The following CYB5R3 variants were observed in gnomAD, a reference collection of about 807,000 sequenced individuals.
CYB5R3 encodes the protein NADH-cytochrome b5 reductase 3.
In CYB5R3, 28 loss-of-function variants were observed where a neutral mutation model predicts 36.5. The ratio of observed to expected loss-of-function variants is 0.77; its 90% confidence interval spans 0.57 to 1.05. CYB5R3 has a LOEUF of 1.05. CYB5R3 is among the 50% of genes least tolerant of loss of function. The probability of loss-of-function intolerance (pLI) is 0.00; values close to 1 mark genes in which losing one functional copy is unlikely to be tolerated. For missense variants in CYB5R3, 474 were observed against 408.9 expected, an observed-to-expected ratio of 1.16 and a Z score of -1.37; for synonymous variants, 181 against 159.8, an observed-to-expected ratio of 1.13 and a Z score of -1.00.
At chr22:42,646,582 C>A in intron 1 of CYB5R3, 1 of 931,034 alleles carries the variant, frequency 1.1e-6, no homozygotes, top group Non-Finnish European at 1.3e-6. Flanking sequence ...GCCCGGTCCT[C>A]CCCAGGTGCC....
intron 1 of CYB5R3, 97 bp downstream of exon 1, chr22:42,649,198 G>T: frequency 2.0e-6 from 1 of 489,240 alleles, no homozygotes; most frequent in Non-Finnish European, 2.8e-6. Flanking sequence ...GTGCGGCCCG[G>T]GTCCCGCGTC....
intron 1 of CYB5R3, 43 bp downstream of exon 1, chr22:42,649,252 C>T (rs999110405): frequency 2.2e-5 from 18 of 805,402 alleles, no homozygotes; most frequent in Non-Finnish European, 2.8e-5. Context: ...GGGTCCCAGT[C>T]CCTCGCGACG....
rs2146918869 is a variant in CYB5R3 at position 42,649,355 on chromosome 22, C to T, written c.-40G>A. 1 of 870,408 alleles carries T rather than the reference C, an allele frequency of 1.1e-6. No individual in the cohort carries two copies. The highest frequency in any genetic ancestry group is 1.1e-4 in the East Asian group (1 of 9,218). The allele number at this position is 870,408 out of a possible 1,614,324, so 53.9% of individuals were successfully genotyped here. A position where few individuals can be genotyped will look rare whatever the true frequency, so the allele number is the denominator to read the frequency against. ...GCGCTCGCTCTGTCGCCGCCGCCGC[C>T]GCCGCCGAGACCGTCGCGCCCGGGC... On this transcript the variant is annotated 5_prime_UTR_variant, in exon 1 of 9. Coordinates refer to ENST00000352397, the MANE Select transcript of CYB5R3 (RefSeq NM_000398.7).
At position 42,631,358 on chromosome 22, in the gene CYB5R3, C is replaced by A. The variant is rs1332888194; in HGVS notation, c.226+20G>T. The A allele has an allele frequency of 2.2e-5, 34 of 1,550,770 alleles. No homozygotes were observed. Among genetic ancestry groups the A allele is most frequent in the Non-Finnish European group, 2.9e-5 (33 of 1,146,554 alleles). On this transcript the variant is annotated intron_variant, in intron 3 of 8. Coordinates refer to ENST00000352397, the MANE Select transcript of CYB5R3 (RefSeq NM_000398.7). Reference sequence around the variant, plus strand: ...GCAGCCTGCCGGGCTCCGAATGGGCCCAGCAGGGGCGTGACTCACCGACAG... The same window carrying A: ...GCAGCCTGCCGGGCTCCGAATGGGCACAGCAGGGGCGTGACTCACCGACAG...
rs963272732 is a variant in CYB5R3, at chr22:42,640,326, C to T, written c.22-3480G>A. 23 of 1,417,246 alleles carry T rather than the reference C, an allele frequency of 1.6e-5. No homozygotes were observed. In the African/African-American group the frequency reaches 2.1e-4, roughly 13 times the overall value. 87.8% of individuals were successfully genotyped at this position (1,417,246 alleles called of 1,614,324 possible). On this transcript the variant is annotated intron_variant, in intron 1 of 8. Transcript: ENST00000352397. ...CCGAATGGCCAGCTGAAGGTCACCC[C>T]CCGGAAGGACCCTGCGTGGTTCACT...
At chr22:42,639,647 TA>T (rs1929129353) in intron 1 of CYB5R3, among the ~76,000 whole-genome samples, 1 of 151,264 alleles carries the variant, frequency 6.6e-6, no homozygotes, top group African/African-American at 2.4e-5. Flanking sequence ...AAAAATTGAA[TA>T]AGGCTTGTGG....
chr22:42,621,447 C>T (rs1321277762), intron 8 of CYB5R3, among the ~76,000 whole-genome samples: 1 of 152,200 alleles, frequency 6.6e-6, no homozygotes, highest in Non-Finnish European at 1.5e-5. Flanking sequence ...CTGCCCCTGC[C>T]TGGAGTCCTT....
chr22:42,649,144 G>A lies in CYB5R3; in HGVS notation c.21+151C>T, dbSNP rs560202735. 534 of 215,102 alleles carry A rather than the reference G, an allele frequency of 2.5e-3. 1 individual carries two copies. Among genetic ancestry groups the A allele is most frequent in the Middle Eastern group, 9.0e-3 (4 of 444 alleles). 13.3% of individuals were successfully genotyped at this position (215,102 alleles called of 1,614,324 possible). A position where few individuals can be genotyped will look rare whatever the true frequency, so the allele number is the denominator to read the frequency against. On this transcript the variant is annotated intron_variant, in intron 1 of 8. Coordinates refer to ENST00000352397, the MANE Select transcript of CYB5R3 (RefSeq NM_000398.7). ...AGCTCGCCCAGGCCCTTGTGGGGTG[G>A]GGTGGGGCGCGGCGGGCTGGGCGGG...
intron 7 of CYB5R3, 76 bp from the exon 8 acceptor site, chr22:42,623,964 C>G: frequency 7.6e-7 from 1 of 1,309,194 alleles, no homozygotes; most frequent in Non-Finnish European, 1.1e-6. Flanking sequence ...AGAGACGCGC[C>G]TCGTCATCGC....
At chr22:42,631,314 T>A (rs1928603177) in intron 3 of CYB5R3, 64 bp downstream of exon 3, 1 of 1,456,248 alleles carries the variant, frequency 6.9e-7, no homozygotes, top group East Asian at 2.5e-5. Context: ...AGCTTCCATC[T>A]CTCTGATCTA....
At chr22:42,630,791 C>G (rs1472146968) in intron 4 of CYB5R3, 91 bp downstream of exon 4, 3 of 1,130,690 alleles carry the variant, frequency 2.7e-6, no homozygotes, top group Admixed American at 4.0e-5. Context: ...AGGGCAGGAG[C>G]GGGAGACTTC....
chr22:42,628,126 A>G (rs1374534332), intron 5 of CYB5R3, 26 bp downstream of exon 5: 20 of 1,613,536 alleles, frequency 1.2e-5, no homozygotes, highest in Non-Finnish European at 1.5e-5. Flanking sequence ...CCTGCCGTGT[A>G]ACCAAGGGAT....
At chr22:42,625,707 T>A (rs137134) in intron 7 of CYB5R3, among the ~76,000 whole-genome samples, 52,066 of 151,144 alleles carry the variant, frequency 0.34, 13,402 homozygotes, top group African/African-American at 0.7. Flanking sequence ...CGGAGGAAGG[T>A]AGGAGAGGAA....
chr22:42,642,160 G>A (rs1268359917), intron 1 of CYB5R3, among the ~76,000 whole-genome samples: 3 of 151,302 alleles, frequency 2.0e-5, no homozygotes, highest in East Asian at 1.9e-4. Flanking sequence ...CACCCAGGCT[G>A]GAATGCAGTG....
chr22:42,634,468 CAG>C (rs1928777343), intron 2 of CYB5R3, among the ~76,000 whole-genome samples: 2 of 151,880 alleles, frequency 1.3e-5, no homozygotes, highest in Admixed American at 6.6e-5. Flanking sequence ...TTTTTTGAAA[CAG>C]AGTTTCGCTC....
chr22:42,622,157 T>G (rs988409104), intron 8 of CYB5R3, among the ~76,000 whole-genome samples: 4 of 152,138 alleles, frequency 2.6e-5, no homozygotes, highest in Non-Finnish European at 5.9e-5. Flanking sequence ...CTTGACCTCA[T>G]GATCTGCCTG....
intron 8 of CYB5R3, among the ~76,000 whole-genome samples, chr22:42,622,221 GCTC>G (rs1046967061): frequency 6.6e-6 from 1 of 152,064 alleles, no homozygotes; most frequent in Non-Finnish European, 1.5e-5. Context: ...CGCCCGGCCT[GCTC>G]CTTTCGTTAG....
intron 1 of CYB5R3, among the ~76,000 whole-genome samples, chr22:42,642,412 C>T (rs1234855162): frequency 6.6e-6 from 1 of 152,014 alleles, no homozygotes. Context: ...TGCGTCCAGC[C>T]CATAAATGTT....
At chr22:42,622,268 A>G (rs1360161787) in intron 8 of CYB5R3, among the ~76,000 whole-genome samples, 1 of 152,090 alleles carries the variant, frequency 6.6e-6, no homozygotes, top group African/African-American at 2.4e-5. Context: ...TCCCAGAGCC[A>G]GTGCCCTGGC....
Sources: allele counts gnomAD v4.1 joint callset (sites outside exome capture counted in the v4.1 genomes callset), GRCh38; gene constraint gnomAD v4.1.1; transcripts MANE v1.5; gene names NCBI Gene and HGNC (gene_info 2026-07-23, HGNC 2026-07-21).